The following ARHGAP5 variants were observed in gnomAD, a reference collection of about 807,000 sequenced individuals.
ARHGAP5 encodes the protein rho GTPase-activating protein 5.
A neutral mutation model predicts 116.6 loss-of-function variants in ARHGAP5; 23 were observed. The ratio of observed to expected loss-of-function variants is 0.20; its 90% CI spans 0.14 to 0.28. ARHGAP5 has a LOEUF of 0.28. Among genes scored for constraint, ARHGAP5 ranks in the 10% least tolerant of loss-of-function variants. ARHGAP5 has a pLI of 1.00. For missense variants in ARHGAP5, 1,405 were observed against 1,774.8 expected (o/e 0.79, Z 3.74); for synonymous variants, 574 against 602.0 (o/e 0.95, Z 0.68).
At chr14:32,103,902 A>G (rs187535521) in intron 2 of ARHGAP5, among the ~76,000 whole-genome samples, 1 of 152,334 alleles carries the variant, frequency 6.6e-6, no homozygotes, top group Non-Finnish European at 1.5e-5. Flanking sequence ...AAATATAAGG[A>G]TATGACAAAA....
chr14:32,118,598 A>T (rs544805472), intron 3 of ARHGAP5, among the ~76,000 whole-genome samples: 48 of 152,272 alleles, frequency 3.2e-4, no homozygotes, highest in African/African-American at 1.1e-3. Flanking sequence ...TATGGAGGCT[A>T]CATTTGAATA....
intron 2 of ARHGAP5, among the ~76,000 whole-genome samples, chr14:32,112,258 A>ATT (rs1199647635): frequency 6.6e-6 from 1 of 152,146 alleles, no homozygotes; most frequent in African/African-American, 2.4e-5. Flanking sequence ...CTGGTGAAGC[A>ATT]TTTGAGGTGT....
At position 32,103,932 on chromosome 14, in the gene ARHGAP5, G is replaced by A. The variant is rs553787643; in HGVS notation, c.3717+9546G>A. Among the ~76,000 whole-genome samples, 89 of 152,238 alleles carry A rather than the reference G, an allele frequency of 5.8e-4. 1 individual carries two copies. Among genetic ancestry groups the A allele is most frequent in the African/African-American group, 1.8e-3 (76 of 41,546 alleles). Reference sequence around the variant, plus strand: ...ACAAAAGAGATCTTATGATTGTATCGTAGTCAAAATAAAGGGTACAACTTG... The same window carrying A: ...ACAAAAGAGATCTTATGATTGTATCATAGTCAAAATAAAGGGTACAACTTG... On this transcript the variant is annotated intron_variant, in intron 2 of 6. Coordinates refer to ENST00000345122, the MANE Select transcript of ARHGAP5 (RefSeq NM_001030055.2).
chr14:32,121,836 A>G, intron 3 of ARHGAP5, among the ~76,000 whole-genome samples: 1 of 152,230 alleles, frequency 6.6e-6, no homozygotes, highest in East Asian at 1.9e-4. Flanking sequence ...TGAATAATAT[A>G]TAATGTGGTC....
At chr14:32,133,053 T>G (rs1880589190) in intron 3 of ARHGAP5, among the ~76,000 whole-genome samples, 1 of 152,236 alleles carries the variant, frequency 6.6e-6, no homozygotes, top group African/African-American at 2.4e-5. Context: ...GACTTAGGAT[T>G]GACTTGGCGA....
intron 3 of ARHGAP5, among the ~76,000 whole-genome samples, chr14:32,119,842 TGG>T (rs1879795378): frequency 6.6e-6 from 1 of 152,156 alleles, no homozygotes; most frequent in Non-Finnish European, 1.5e-5. Flanking sequence ...AAATACCACT[TGG>T]TCATGTTTTA....
intron 3 of ARHGAP5, among the ~76,000 whole-genome samples, chr14:32,132,115 G>C (rs896056277): frequency 6.6e-6 from 1 of 152,128 alleles, no homozygotes; most frequent in Non-Finnish European, 1.5e-5. Flanking sequence ...TGAGATGGCT[G>C]GGTCAAATGG....
chr14:32,127,846 A>G (rs943875975), intron 3 of ARHGAP5, among the ~76,000 whole-genome samples: 1 of 151,050 alleles, frequency 6.6e-6, no homozygotes. Flanking sequence ...CTCACTTCCC[A>G]GACGGGGCAG....
intron 2 of ARHGAP5, among the ~76,000 whole-genome samples, chr14:32,103,133 A>T (rs780832140): frequency 1.3e-5 from 2 of 152,212 alleles, no homozygotes; most frequent in African/African-American, 4.8e-5. Flanking sequence ...TGATGTTTCT[A>T]TAATTTCTCA....
chr14:32,092,835 A>T lies in ARHGAP5; in HGVS notation c.2166A>T (p.Ala722=). ...PILRHQGQQL[A]NKLQCPFVDV... ...TCAGGCACCAAGGGCAGCAGTTGGC[A>T]AACAAGTTGCAATGTCCTTTTGTAG... Residue 722 remains alanine (A), a synonymous_variant, in exon 2 of 7, where the codon GCA becomes GCT. Transcript: ENST00000345122. This position sits in a 1 kb window ranked among gnomAD's most constrained non-coding sequence, Gnocchi z 4.1. 1 of 1,614,094 alleles carries T rather than the reference A, an allele frequency of 6.2e-7. No individual in the cohort carries two copies. The highest frequency in any genetic ancestry group is 2.2e-5 in the East Asian group (1 of 44,880).
rs1423405885 is a variant in ARHGAP5 at position 32,093,108 on chromosome 14, T to G, written c.2439T>G (p.Asn813Lys). The change falls in exon 2 of 7, where the codon AAT becomes AAG. Residue 813 changes from asparagine to lysine, a missense_variant. By Grantham distance (94) the Asn-to-Lys change is moderately conservative. This residue lies in a region of ARHGAP5 where 944 missense variants were observed against 1,095.3 expected (regional missense o/e 0.86). Transcript: ENST00000345122. ...GCAGTGCTGCTCAAGCTGGACAGAATAATTCCCTAATGCTTGATAAAATCA... is the reference window on the plus strand; with the variant it reads ...GCAGTGCTGCTCAAGCTGGACAGAAGAATTCCCTAATGCTTGATAAAATCA... ...HSCSAAQAGQ[N>K]NSLMLDKIIG... 1.2e-6 allele frequency: 2 copies of G among 1,613,972 alleles called. No homozygotes were observed. Among genetic ancestry groups the G allele is most frequent in the Admixed American group, 3.3e-5 (2 of 60,014 alleles).
At chr14:32,109,851 C>T (rs1172356301) in intron 2 of ARHGAP5, among the ~76,000 whole-genome samples, 3 of 152,238 alleles carry the variant, frequency 2.0e-5, no homozygotes, top group South Asian at 2.1e-4. Flanking sequence ...GATGAGTCTT[C>T]TGGCTTCCAG....
chr14:32,140,557 T>G (rs1006933739), intron 3 of ARHGAP5, among the ~76,000 whole-genome samples: 3 of 152,102 alleles, frequency 2.0e-5, no homozygotes, highest in Non-Finnish European at 2.9e-5. Context: ...ACCACTGCAC[T>G]CCAGCCTGGG....
In ARHGAP5 at chr14:32,090,899, A is replaced by T. The variant is rs1466130901; in HGVS notation, c.230A>T (p.Asp77Val). 9 of 1,613,528 alleles carry T rather than the reference A, an allele frequency of 5.6e-6. No homozygotes were observed. The highest frequency in any genetic ancestry group is 5.9e-6 in the Non-Finnish European group (7 of 1,179,624). Residue 77 changes from aspartate to valine, a missense_variant, in exon 2 of 7, where the codon GAC becomes GTC. Coordinates refer to ENST00000345122, the MANE Select transcript of ARHGAP5 (RefSeq NM_001030055.2). ...VNNDHFLYWGDIIQNSEDGVE... is the reference protein window; with the variant it reads ...VNNDHFLYWGVIIQNSEDGVE... ...AATGATCACTTTTTGTACTGGGGTG[A>T]CATAATACAAAATAGTGAAGATGGA...
In ARHGAP5 at chr14:32,093,453, T is replaced by C. The variant is rs1878366338; in HGVS notation, c.2784T>C (p.Thr928=). 6.2e-7 allele frequency: 1 copy of C among 1,613,376 alleles called. No homozygotes were observed. The highest frequency in any genetic ancestry group is 1.7e-5 in the Admixed American group (1 of 59,884). Residue 928 remains threonine, a synonymous_variant, in exon 2 of 7, where the codon ACT becomes ACC. Coordinates refer to ENST00000345122, the MANE Select transcript of ARHGAP5 (RefSeq NM_001030055.2). ...LYSLSQYHRQ[T]EVFTLFFSDV... The stretch of plus-strand genomic sequence containing the variant: ...CTTTATCTCAGTATCATCGGCAAAC[T>C]GAGGTCTTTACTCTGTTTTTTAGTG...
intron 3 of ARHGAP5, among the ~76,000 whole-genome samples, chr14:32,138,799 C>G (rs1880945400): frequency 6.6e-6 from 1 of 152,142 alleles, no homozygotes; most frequent in Admixed American, 6.5e-5. Context: ...ATTCTTTCAC[C>G]ATATTTCATC....
intron 2 of ARHGAP5, among the ~76,000 whole-genome samples, chr14:32,106,177 A>G (rs1879008682): frequency 6.6e-6 from 1 of 152,180 alleles, no homozygotes; most frequent in African/African-American, 2.4e-5. Flanking sequence ...GCTACAGTGC[A>G]GTGGCGCGAT....
At chr14:32,145,573 C>G (rs1881334671) in intron 3 of ARHGAP5, among the ~76,000 whole-genome samples, 1 of 152,060 alleles carries the variant, frequency 6.6e-6, no homozygotes, top group African/African-American at 2.4e-5. Context: ...ATGATATGAG[C>G]CTCTGCCTGC....
chr14:32,101,538 A>T (rs1455539231), intron 2 of ARHGAP5, among the ~76,000 whole-genome samples: 1 of 152,118 alleles, frequency 6.6e-6, no homozygotes, highest in African/African-American at 2.4e-5. Context: ...TTATGAGAAA[A>T]GCGTGCTTTT....
Sources: gnomAD v4.1 joint callset for allele counts (sites outside exome capture counted in the v4.1 genomes callset) on GRCh38, gnomAD v4.1.1 for gene constraint, gnomAD v4.1.1 regional missense constraint, Gnocchi (gnomAD v3.1) non-coding constraint, MANE v1.5 for transcripts, NCBI Gene and HGNC (gene_info 2026-07-23, HGNC 2026-07-21) for gene names.